Variants in ARHGEF28 observed in about 807,000 individuals in gnomAD.
The protein encoded by ARHGEF28 is 190 kDa guanine nucleotide exchange factor.
ARHGEF28 carries 152 observed loss-of-function variants against 206.6 expected under a neutral mutation model. The ratio of observed to expected loss-of-function variants is 0.74; its 90% CI spans 0.64 to 0.84. ARHGEF28 has a LOEUF of 0.84. Among genes scored for constraint, ARHGEF28 ranks in the 40% least tolerant of loss-of-function variants. The pLI, the probability that ARHGEF28 is intolerant of heterozygous loss-of-function variation, is 0.00. For missense variants in ARHGEF28, 2,028 were observed against 2,073.2 expected (o/e 0.98, Z 0.42); for synonymous variants, 763 against 776.4 (o/e 0.98, Z 0.29).
intron 35 of ARHGEF28, among the ~76,000 whole-genome samples, chr5:73,933,723 T>C (rs756824830): frequency 5.9e-5 from 9 of 152,192 alleles, no homozygotes; most frequent in Admixed American, 1.3e-4. Context: ...TTCTCTTGCA[T>C]TGGGCTCTCT....
At chr5:73,812,922 G>C (rs146946990) in intron 9 of ARHGEF28, among the ~76,000 whole-genome samples, 2 of 152,086 alleles carry the variant, frequency 1.3e-5, no homozygotes, top group African/African-American at 4.8e-5. Context: ...TTAAAAGGGC[G>C]GTGAGACTGG....
intron 1 of ARHGEF28, among the ~76,000 whole-genome samples, chr5:73,659,023 G>A (rs886492428): frequency 2.0e-5 from 3 of 149,994 alleles, no homozygotes; most frequent in Admixed American, 6.6e-5. Context: ...CACAGGCAGG[G>A]GACTGTATAT....
intron 22 of ARHGEF28, among the ~76,000 whole-genome samples, chr5:73,880,173 T>A (rs2931414): frequency 0.68 from 103,326 of 152,062 alleles, 36,994 homozygotes; most frequent in African/African-American, 0.92. Context: ...TTGCAGTTTG[T>A]TCTCAGACTG....
chr5:73,765,919 G>A (rs1008451031), intron 4 of ARHGEF28, among the ~76,000 whole-genome samples: 15 of 152,172 alleles, frequency 9.9e-5, no homozygotes, highest in Middle Eastern at 3.2e-3. Flanking sequence ...TTGGGAGGCC[G>A]AGGTGGGCGG....
intron 9 of ARHGEF28, among the ~76,000 whole-genome samples, chr5:73,829,809 T>C (rs970380509): frequency 6.6e-6 from 1 of 152,198 alleles, no homozygotes; most frequent in Non-Finnish European, 1.5e-5. Flanking sequence ...TAAAGATGGG[T>C]ACTAAAGAAT....
At chr5:73,817,119 C>T (rs72770894) in intron 9 of ARHGEF28, among the ~76,000 whole-genome samples, 3,956 of 152,284 alleles carry the variant, frequency 0.026, 89 homozygotes, top group Non-Finnish European at 0.038. Context: ...TCATTAGGCC[C>T]CAGGAAATGT....
chr5:73,735,004 C>T (rs1293192576), intron 2 of ARHGEF28, among the ~76,000 whole-genome samples: 2 of 151,962 alleles, frequency 1.3e-5, no homozygotes, highest in African/African-American at 4.8e-5. Flanking sequence ...AACAAAATAT[C>T]CTCTTCTGTA....
chr5:73,753,396 G>C (rs1752127050), intron 4 of ARHGEF28, among the ~76,000 whole-genome samples, 194 bp downstream of exon 4: 1 of 152,228 alleles, frequency 6.6e-6, no homozygotes, highest in African/African-American at 2.4e-5. Context: ...CGTGCCAGGA[G>C]GTGTGGGATA....
chr5:73,939,586 G>A (rs1377860960), intron 35 of ARHGEF28, among the ~76,000 whole-genome samples: 1 of 152,182 alleles, frequency 6.6e-6, no homozygotes, highest in Admixed American at 6.5e-5. Flanking sequence ...ATCGGCTCCT[G>A]TGGCCCTGGC....
chr5:73,671,842 G>A (rs1418380352), intron 1 of ARHGEF28, among the ~76,000 whole-genome samples: 2 of 136,946 alleles, frequency 1.5e-5, no homozygotes, highest in African/African-American at 5.4e-5. Flanking sequence ...TGCAACCTCC[G>A]CCTCCCGGTT....
chr5:73,789,556 G>A (rs186824707), intron 7 of ARHGEF28, among the ~76,000 whole-genome samples: 4 of 152,190 alleles, frequency 2.6e-5, no homozygotes, highest in Non-Finnish European at 5.9e-5. Flanking sequence ...TGGGTGAATT[G>A]TATAGTATAT....
At chr5:73,845,954 C>T (rs541390373) in intron 11 of ARHGEF28, among the ~76,000 whole-genome samples, 14 of 133,864 alleles carry the variant, frequency 1.0e-4, no homozygotes, top group South Asian at 4.9e-4. Flanking sequence ...TGTCACTGCA[C>T]TCCAGCCTAG....
intron 9 of ARHGEF28, among the ~76,000 whole-genome samples, chr5:73,807,207 T>G (rs1298620872): frequency 1.3e-5 from 2 of 152,090 alleles, no homozygotes; most frequent in Non-Finnish European, 2.9e-5. Flanking sequence ...GGGGCTCTTA[T>G]TCTTGCTTCT....
chr5:73,727,840 A>G (rs536084761), intron 2 of ARHGEF28, among the ~76,000 whole-genome samples: 66 of 152,294 alleles, frequency 4.3e-4, no homozygotes, highest in Non-Finnish European at 8.1e-4. Context: ...GCCAATGCAG[A>G]GGACCATGGG....
intron 9 of ARHGEF28, among the ~76,000 whole-genome samples, chr5:73,804,082 C>CA (rs35722039): frequency 0.11 from 7,034 of 64,118 alleles, 586 homozygotes; most frequent in African/African-American, 0.19. Flanking sequence ...GAGACCCTGT[C>CA]AAAAAAAAAA....
chr5:73,630,401 A>C (rs1053392656), intron 1 of ARHGEF28, among the ~76,000 whole-genome samples: 2 of 152,200 alleles, frequency 1.3e-5, no homozygotes, highest in African/African-American at 4.8e-5. Flanking sequence ...TCTCTACCTC[A>C]GGTTTTTCCA....
intron 6 of ARHGEF28, among the ~76,000 whole-genome samples, chr5:73,777,452 C>T (rs544043195): frequency 2.6e-5 from 4 of 152,176 alleles, no homozygotes; most frequent in Admixed American, 1.3e-4. Flanking sequence ...ACACAGGTCT[C>T]GTGACTATTT....
chr5:73,801,055 T>C (rs940393588), intron 9 of ARHGEF28, among the ~76,000 whole-genome samples: 2 of 152,214 alleles, frequency 1.3e-5, no homozygotes, highest in African/African-American at 4.8e-5. Context: ...TTAGTTTCTC[T>C]TCTTATATTA....
At chr5:73,659,825 A>G (rs1396642105) in intron 1 of ARHGEF28, among the ~76,000 whole-genome samples, 1 of 152,232 alleles carries the variant, frequency 6.6e-6, no homozygotes, top group Non-Finnish European at 1.5e-5. Context: ...TATGTCTAAA[A>G]AATGTAAATA....
Sources: gnomAD v4.1 joint callset for allele counts (sites outside exome capture counted in the v4.1 genomes callset) on GRCh38, gnomAD v4.1.1 for gene constraint, MANE v1.5 for transcripts, NCBI Gene and HGNC (gene_info 2026-07-23, HGNC 2026-07-21) for gene names.